DCLK1: variants seen among roughly 807,000 people sequenced by gnomAD.
DCLK1 encodes doublecortin like kinase 1, also known as serine/threonine-protein kinase DCLK1.
DCLK1 carries 16 observed loss-of-function variants against 86.2 expected under a neutral mutation model. The observed-to-expected ratio is 0.19, with a 90% CI of 0.13 to 0.28. The LOEUF (loss-of-function observed/expected upper bound fraction) is 0.28. Among genes scored for constraint, DCLK1 ranks in the 10% least tolerant of loss-of-function variants. The probability of loss-of-function intolerance (pLI) is 1.00; values close to 1 mark genes in which losing one functional copy is unlikely to be tolerated. For missense variants in DCLK1, 590 were observed against 940.2 expected (o/e 0.63, Z 4.87); for synonymous variants, 369 against 370.5 (o/e 1.00, Z 0.05).
intron 4 of DCLK1, among the ~76,000 whole-genome samples, chr13:35,946,768 C>A (rs117208665): frequency 3.0e-3 from 453 of 152,326 alleles, no homozygotes; most frequent in Admixed American, 4.6e-3. Flanking sequence ...AAAGCCACAA[C>A]ATTTCACATT....
chr13:36,107,638 G>A (rs2138180326), intron 3 of DCLK1, among the ~76,000 whole-genome samples: 1 of 152,158 alleles, frequency 6.6e-6, no homozygotes, highest in Admixed American at 6.5e-5. Flanking sequence ...GGGATCATTG[G>A]GAAGTGCCCT....
intron 3 of DCLK1, among the ~76,000 whole-genome samples, chr13:36,062,666 T>G (rs1460676059): frequency 1.3e-5 from 2 of 152,192 alleles, no homozygotes; most frequent in Non-Finnish European, 2.9e-5. Flanking sequence ...ATAATCGCTA[T>G]GAGGATGACG....
intron 3 of DCLK1, among the ~76,000 whole-genome samples, chr13:35,962,098 G>A (rs1878491765): frequency 6.6e-6 from 1 of 152,138 alleles, no homozygotes; most frequent in Non-Finnish European, 1.5e-5. Context: ...AAACTCTACA[G>A]CGAACAAAAT....
chr13:35,801,641 A>G (rs897110651), intron 15 of DCLK1, among the ~76,000 whole-genome samples: 1 of 152,228 alleles, frequency 6.6e-6, no homozygotes, highest in Non-Finnish European at 1.5e-5. Flanking sequence ...GCAATGGAAC[A>G]TAATTATCAG....
intron 14 of DCLK1, 61 bp downstream of exon 14, chr13:35,808,163 G>A (rs1276613284): frequency 6.8e-7 from 1 of 1,467,638 alleles, no homozygotes; most frequent in African/African-American, 1.4e-5. Flanking sequence ...ACAATGATTT[G>A]GAAAAATAAT....
At chr13:36,016,607 A>G (rs1346571649) in intron 3 of DCLK1, among the ~76,000 whole-genome samples, 2 of 152,216 alleles carry the variant, frequency 1.3e-5, no homozygotes, top group Non-Finnish European at 2.9e-5. Flanking sequence ...AGAGAAGCAT[A>G]CAATAAGGAC....
At chr13:35,864,933 T>TAA (rs1410778411) in intron 5 of DCLK1, among the ~76,000 whole-genome samples, 1 of 152,122 alleles carries the variant, frequency 6.6e-6, no homozygotes, top group African/African-American at 2.4e-5. Flanking sequence ...ATTAAAGGTA[T>TAA]AAGCCACCAT....
chr13:35,826,379 C>T lies in DCLK1; in HGVS notation c.1407+1256G>A, dbSNP rs755856586. Among the ~76,000 whole-genome samples, 10 of 150,808 alleles carry T rather than the reference C, an allele frequency of 6.6e-5. No homozygotes were observed. The South Asian group carries it at 1.1e-3, about 16-fold the overall frequency. ...TCTCTACTAAAAATACAAAATTAGC[C>T]GGGCGTGGTGGCACATGCCTGTAAT... On this transcript the variant is annotated intron_variant, in intron 10 of 16. Coordinates refer to ENST00000360631, the MANE Select transcript of DCLK1 (RefSeq NM_001330071.2).
chr13:35,839,157 G>A lies in DCLK1; in HGVS notation c.1055C>T (p.Ser352Phe). ...RKQRSSQHGGSSTSLASTKVC... is the reference protein window; with the variant it reads ...RKQRSSQHGGFSTSLASTKVC... ...TTTGGTGGACGCAAGTGACGTAGAG[G>A]AGCCGCCATGCTGAGAGCTCTGTAG... Residue 352 changes from serine (S) to phenylalanine (F), a missense_variant, in exon 7 of 17, where the codon TCC becomes TTC. By Grantham distance (155) the Ser-to-Phe change is radical (BLOSUM62 -2). Coordinates refer to ENST00000360631, the MANE Select transcript of DCLK1 (RefSeq NM_001330071.2). The A allele has an allele frequency of 6.3e-7, 1 of 1,585,982 alleles. No homozygotes were observed.
At chr13:35,955,908 A>C (rs1877952945) in intron 3 of DCLK1, among the ~76,000 whole-genome samples, 1 of 152,182 alleles carries the variant, frequency 6.6e-6, no homozygotes, top group South Asian at 2.1e-4. Context: ...GCTATTATTT[A>C]AGAATAGAAT....
chr13:35,847,747 C>T, intron 6 of DCLK1: 24 of 985,044 alleles, frequency 2.4e-5, no homozygotes, highest in Non-Finnish European at 2.9e-5. Context: ...AGTACATCAG[C>T]GCTGGTTCAA....
intron 4 of DCLK1, among the ~76,000 whole-genome samples, chr13:35,906,889 C>G (rs138049361): frequency 2.6e-5 from 4 of 152,238 alleles, no homozygotes; most frequent in African/African-American, 9.6e-5. Context: ...CCAACTAAGC[C>G]AGAGTCGAGG....
At chr13:35,880,095 G>T (rs143979871) in intron 4 of DCLK1, among the ~76,000 whole-genome samples, 1 of 152,108 alleles carries the variant, frequency 6.6e-6, no homozygotes, top group Non-Finnish European at 1.5e-5. Context: ...CAATGCATTC[G>T]TATACTCTTT....
intron 16 of DCLK1, among the ~76,000 whole-genome samples, chr13:35,778,965 C>T (rs1415375760): frequency 6.6e-6 from 1 of 152,054 alleles, no homozygotes; most frequent in African/African-American, 2.4e-5. Flanking sequence ...TCAAGGTACT[C>T]GCCAACATGA....
chr13:35,903,927 A>G (rs1331497364), intron 4 of DCLK1, among the ~76,000 whole-genome samples: 1 of 152,196 alleles, frequency 6.6e-6, no homozygotes, highest in African/African-American at 2.4e-5. Flanking sequence ...TATATACATG[A>G]AAGAATATTT....
At chr13:35,999,918 C>T (rs967511141) in intron 3 of DCLK1, among the ~76,000 whole-genome samples, 3 of 152,140 alleles carry the variant, frequency 2.0e-5, no homozygotes, top group Admixed American at 6.5e-5. Context: ...CTGAAATCTC[C>T]CAATCCACCC....
intron 3 of DCLK1, among the ~76,000 whole-genome samples, chr13:35,972,685 A>T (rs1879128867): frequency 6.6e-6 from 1 of 152,096 alleles, no homozygotes; most frequent in Non-Finnish European, 1.5e-5. Context: ...AAGCATGATG[A>T]ATACTGCAGT....
chr13:36,111,182 T>C (rs1172719060), intron 3 of DCLK1, among the ~76,000 whole-genome samples: 2 of 152,098 alleles, frequency 1.3e-5, no homozygotes, highest in Admixed American at 6.5e-5. Flanking sequence ...CTGTCAAACC[T>C]GTACAAAAAT....
chr13:35,967,215 C>A (rs1030812451), intron 3 of DCLK1, among the ~76,000 whole-genome samples: 6 of 150,382 alleles, frequency 4.0e-5, no homozygotes, highest in Non-Finnish European at 5.9e-5. Context: ...AACTGAGGAG[C>A]CCCTCTGCCC....
Sources: gnomAD v4.1 joint callset for allele counts (sites outside exome capture counted in the v4.1 genomes callset) on GRCh38, gnomAD v4.1.1 for gene constraint, MANE v1.5 for transcripts, NCBI Gene and HGNC (gene_info 2026-07-23, HGNC 2026-07-21) for gene names.